TLR10: variants seen among roughly 807,000 people sequenced by gnomAD.
TLR10 encodes the protein toll like receptor 10, also known as toll-like receptor 10.
For missense variants in TLR10, 929 were observed against 932.9 expected (o/e 1.00, Z 0.05); for synonymous variants, 288 against 338.8 (o/e 0.85, Z 1.65).
chr4:38,779,781 G>A (rs192010487), intron 1 of TLR10, among the ~76,000 whole-genome samples: 5 of 151,978 alleles, frequency 3.3e-5, no homozygotes, highest in Admixed American at 3.3e-4. Flanking sequence ...AATTTTCCAT[G>A]AATTCATGAT....
Position 38,774,381 on chromosome 4 carries a change from G to T in TLR10, c.1210C>A (p.Leu404Met). Residue 404 changes from leucine (L) to methionine (M), a missense_variant, in exon 4 of 4, where the codon CTG becomes ATG. By Grantham distance (15) the Leu-to-Met change is conservative (BLOSUM62 2). Coordinates refer to ENST00000308973, the MANE Select transcript of TLR10 (RefSeq NM_030956.4). The stretch of plus-strand genomic sequence containing the variant: ...TTATGTTGTAATAGATTTTGACTCA[G>T]ATCCAAGTGTTCCAAGGGTGTGTTG... Reference protein sequence around the residue: ...ANNTPLEHLDLSQNLLQHKND... With the variant: ...ANNTPLEHLDMSQNLLQHKND... 6.2e-7 allele frequency: 1 copy of T among 1,613,256 alleles called. No individual in the cohort carries two copies. The highest frequency in any genetic ancestry group is 8.5e-7 in the Non-Finnish European group (1 of 1,179,768).
rs1303357199 is a variant in TLR10 at position 38,774,263 on chromosome 4, T to C, written c.1328A>G (p.Lys443Arg). 2.5e-6 allele frequency: 4 copies of C among 1,613,966 alleles called. No individual in the cohort carries two copies. Among genetic ancestry groups the C allele is most frequent in the Non-Finnish European group, 3.4e-6 (4 of 1,180,000 alleles). Reference sequence around the variant, plus strand: ...ATTTAGGTCAAGTATTTGAATACTTTTGGGCAAGCACCTGAAGACAGAATC... The same window carrying C: ...ATTTAGGTCAAGTATTTGAATACTTCTGGGCAAGCACCTGAAGACAGAATC... ...LSDSVFRCLPKSIQILDLNNN... is the reference protein window; with the variant it reads ...LSDSVFRCLPRSIQILDLNNN... The change falls in exon 4 of 4, where the codon AAA (lysine) becomes AGA (arginine). Residue 443 changes from lysine to arginine, a missense_variant. Lys to Arg is a conservative substitution (Grantham distance 26, BLOSUM62 2). Transcript: ENST00000308973.
chr4:38,778,270 C>A (rs545895541), intron 1 of TLR10, among the ~76,000 whole-genome samples: 1 of 151,698 alleles, frequency 6.6e-6, no homozygotes, highest in African/African-American at 2.4e-5. Context: ...TGACACACAC[C>A]GGGGCCTGTC....
In TLR10 at chr4:38,773,258, T is replaced by C; in HGVS notation, c.2333A>G (p.Asn778Ser). 1 of 1,611,142 alleles carries C rather than the reference T, an allele frequency of 6.2e-7. No individual in the cohort carries two copies. The highest frequency in any genetic ancestry group is 1.1e-5 in the South Asian group (1 of 90,388). ...ATACATTTCTCTGGTGGCTAATACA[T>C]TAACATTAATAGCAGCTCGAAGGTT... ...WANLRAAINV[N>S]VLATREMYEL... is the part of the protein sequence containing the mutation. The change falls in exon 4 of 4, where the codon AAT (asparagine) becomes AGT (serine). Residue 778 changes from asparagine to serine, a missense_variant. Physicochemically the swap from Asn to Ser is conservative, Grantham distance 46. Transcript: ENST00000308973.
chr4:38,773,961 T>C lies in TLR10; in HGVS notation c.1630A>G (p.Met544Val). 6.3e-7 allele frequency: 1 copy of C among 1,583,718 alleles called. No homozygotes were observed. Among genetic ancestry groups the C allele is most frequent in the Non-Finnish European group, 8.6e-7 (1 of 1,163,510 alleles). Residue 544 changes from methionine (M) to valine (V), a missense_variant, in exon 4 of 4, where the codon ATG becomes GTG. Met to Val is a conservative substitution (Grantham distance 21). Coordinates refer to ENST00000308973, the MANE Select transcript of TLR10 (RefSeq NM_030956.4). Reference protein sequence around the residue: ...IQLETYSEVMMVGWSDSYTCE... With the variant: ...IQLETYSEVMVVGWSDSYTCE... ...GTGTATGAATCTGACCATCCAACCA[T>C]CATGACCTCTGAATATGTTTCAAGC...
In TLR10 at chr4:38,773,744, G is replaced by A. The variant is rs1471277482; in HGVS notation, c.1847C>T (p.Thr616Ile). Reference protein sequence around the residue: ...YLRMLGQCTQTWHRVRKTTQE... With the variant: ...YLRMLGQCTQIWHRVRKTTQE... ...GGTTGTTTTCCTAACCCTGTGCCAT[G>A]TTTGTGTGCATTGACCTAGCATCCT... Residue 616 changes from threonine (T) to isoleucine (I), a missense_variant, in exon 4 of 4, where the codon ACA becomes ATA. Thr to Ile is a moderately conservative substitution (Grantham distance 89). Transcript: ENST00000308973. 1.2e-6 allele frequency: 2 copies of A among 1,613,640 alleles called. No individual in the cohort carries two copies. Among genetic ancestry groups the A allele is most frequent in the Non-Finnish European group, 8.5e-7 (1 of 1,179,866 alleles).
In TLR10 at chr4:38,779,231, C is replaced by T. The variant is rs552930988; in HGVS notation, c.-568-2805G>A. ...CCTTTGTAAAAATATTAATTATCCACATTGATCATATAATTTTTATATTTC... is the reference window on the plus strand; with the variant it reads ...CCTTTGTAAAAATATTAATTATCCATATTGATCATATAATTTTTATATTTC... On this transcript the variant is annotated intron_variant, in intron 1 of 3. Coordinates refer to ENST00000308973, the MANE Select transcript of TLR10 (RefSeq NM_030956.4). 2.6e-5 allele frequency among the ~76,000 whole-genome samples: 4 copies of T among 152,320 alleles called. No homozygotes were observed. In the South Asian group the frequency reaches 8.3e-4, roughly 32 times the overall value.
In TLR10 at chr4:38,775,064, GT is replaced by G; in HGVS notation, c.526del (p.Thr176LeufsTer13). On this transcript the variant is annotated frameshift_variant, in exon 4 of 4. Coordinates refer to ENST00000308973, the MANE Select transcript of TLR10 (RefSeq NM_030956.4). LOFTEE classifies it low-confidence loss of function (END_TRUNC). ...GCTACCTTCTTCATAATGAGGAAGA[GT>G]TCTGAATCCTAAGAAGACAGTATTT... ...HLNTVFLGFR[T>X]LPHYEEGSLP... 6.2e-7 allele frequency: 1 copy of G among 1,612,716 alleles called. No individual in the cohort carries two copies. The highest frequency in any genetic ancestry group is 1.3e-5 in the African/African-American group (1 of 75,044).
chr4:38,778,310 A>G (rs1012072246), intron 1 of TLR10, among the ~76,000 whole-genome samples: 1 of 152,200 alleles, frequency 6.6e-6, no homozygotes, highest in Non-Finnish European at 1.5e-5. Flanking sequence ...GAGGAATAGC[A>G]TTAGGAGAAA....
At chr4:38,781,804 A>G (rs145821363) in intron 1 of TLR10, among the ~76,000 whole-genome samples, 205 of 152,370 alleles carry the variant, frequency 1.3e-3, no homozygotes, top group Admixed American at 5.9e-3. Context: ...TTTGCAACAT[A>G]AGAGTAAGAA....
chr4:38,779,387 C>T (rs1420461156), intron 1 of TLR10, among the ~76,000 whole-genome samples: 1 of 152,118 alleles, frequency 6.6e-6, no homozygotes, highest in African/African-American at 2.4e-5. Flanking sequence ...ACTTAAGATG[C>T]CTCCGGCCGT....
rs1724926538 is a variant in TLR10, at chr4:38,774,800, TG to T, written c.790del (p.Gln264AsnfsTer16). The T allele has an allele frequency of 6.3e-7, 1 of 1,598,468 alleles. No homozygotes were observed. Among genetic ancestry groups the T allele is most frequent in the Non-Finnish European group, 8.5e-7 (1 of 1,174,364 alleles). ...LLWDDLFLIL[Q>X]FVWHTSVEHF... is the part of the protein sequence containing the mutation. ...TTCCACTGATGTATGCCAAACAAAT[TG>T]TAAGATAAGGAAAAGGTCGTCCCAG... On this transcript the variant is annotated frameshift_variant, in exon 4 of 4. Transcript: ENST00000308973. LOFTEE classifies it low-confidence loss of function (END_TRUNC).
rs558469171 is a variant in TLR10, at chr4:38,775,878, AGAG to A, written c.-169_-167del. ...TGTTGAGGTAAGTCAGGATTCTCAG[AGAG>A]GAGAAGCATAATGGACCTTTGGTTT... On this transcript the variant is annotated 5_prime_UTR_variant, in exon 3 of 4. Coordinates refer to ENST00000308973, the MANE Select transcript of TLR10 (RefSeq NM_030956.4). 1.2e-3 allele frequency: 328 copies of A among 268,210 alleles called. 1 individual carries two copies. The highest frequency in any genetic ancestry group is 6.8e-3 in the African/African-American group (306 of 45,188). The allele number at this position is 268,210 out of a possible 1,614,324, so 16.6% of individuals were successfully genotyped here. A position where few individuals can be genotyped will look rare whatever the true frequency, so the allele number is the denominator to read the frequency against.
chr4:38,776,581 T>C (rs756221976), intron 1 of TLR10, among the ~76,000 whole-genome samples, 155 bp from the exon 2 acceptor site: 28 of 152,316 alleles, frequency 1.8e-4, no homozygotes, highest in Non-Finnish European at 3.5e-4. Context: ...TTGAAGGATA[T>C]AGAATTCTGA....
intron 1 of TLR10, among the ~76,000 whole-genome samples, chr4:38,778,214 C>T (rs1322058869): frequency 2.0e-5 from 3 of 152,178 alleles, no homozygotes; most frequent in Non-Finnish European, 4.4e-5. Context: ...AAACCAAACA[C>T]CACATGTTCT....
At position 38,772,336 on chromosome 4, in the gene TLR10, T is replaced by C. The variant is rs900242734; in HGVS notation, c.*819A>G. The C allele has an allele frequency of 6.6e-6, 1 of 152,078 alleles. No homozygotes were observed. Among genetic ancestry groups the C allele is most frequent in the Admixed American group, 6.6e-5 (1 of 15,266 alleles). The allele number at this position is 152,078 out of a possible 1,614,324, so 9.4% of individuals were successfully genotyped here. A position where few individuals can be genotyped will look rare whatever the true frequency, so the allele number is the denominator to read the frequency against. On this transcript the variant is annotated 3_prime_UTR_variant, in exon 4 of 4. Transcript: ENST00000308973. ...ATTATAGAAATACACAACATAGAAA[T>C]CAAATGCTCCCTGTAATCCAACCTC...
At position 38,773,501 on chromosome 4, in the gene TLR10, G is replaced by A; in HGVS notation, c.2090C>T (p.Ser697Phe). 6.2e-7 allele frequency: 1 copy of A among 1,612,216 alleles called. No individual in the cohort carries two copies. Among genetic ancestry groups the A allele is most frequent in the East Asian group, 2.2e-5 (1 of 44,882 alleles). ...EKSYKSIFVLSPNFVQNEWCH... is the reference protein window; with the variant it reads ...EKSYKSIFVLFPNFVQNEWCH... ...CCACTCATTCTGGACAAAGTTGGGA[G>A]ACAAAACAAAGATGGACTTATAGCT... is the stretch of plus-strand genomic sequence containing the variant. Residue 697 changes from serine to phenylalanine, a missense_variant, in exon 4 of 4, where the codon TCT (serine) becomes TTT (phenylalanine). By Grantham distance (155) the Ser-to-Phe change is radical. Coordinates refer to ENST00000308973, the MANE Select transcript of TLR10 (RefSeq NM_030956.4).
intron 1 of TLR10, among the ~76,000 whole-genome samples, chr4:38,781,560 G>T (rs978880201): frequency 1.1e-4 from 16 of 152,026 alleles, no homozygotes; most frequent in Admixed American, 2.6e-4. Context: ...TCTATAAATA[G>T]TATATATATG....
chr4:38,777,291 T>C (rs766661513), intron 1 of TLR10, among the ~76,000 whole-genome samples: 3 of 152,070 alleles, frequency 2.0e-5, no homozygotes, highest in Non-Finnish European at 4.4e-5. Flanking sequence ...GGAAAGAGTA[T>C]TTTGGAGAGA....
Sources: gnomAD v4.1 joint callset for allele counts (sites outside exome capture counted in the v4.1 genomes callset) on GRCh38, gnomAD v4.1.1 for gene constraint, MANE v1.5 for transcripts, NCBI Gene and HGNC (gene_info 2026-07-23, HGNC 2026-07-21) for gene names.